Variants in FSTL5 observed in about 807,000 individuals in gnomAD.
FSTL5 encodes the protein follistatin-related protein 5.
In FSTL5, 62 loss-of-function variants were observed where a neutral mutation model predicts 89.1. That is an observed-to-expected ratio of 0.70 (90% CI 0.57 to 0.86). The LOEUF is 0.86. Among genes scored for constraint, FSTL5 ranks in the 40% least tolerant of loss-of-function variants. The pLI is 0.00. For synonymous variants in FSTL5, 383 were observed against 346.2 expected, an observed-to-expected ratio of 1.11 and a Z score of -1.18; for missense variants, 1,057 against 1,001.6, an observed-to-expected ratio of 1.06 and a Z score of -0.75.
intron 6 of FSTL5, among the ~76,000 whole-genome samples, chr4:161,752,275 G>GATA (rs1560825629): frequency 1.7e-4 from 24 of 137,376 alleles, no homozygotes; most frequent in Admixed American, 5.1e-4. Context: ...ATAGATAGAT[G>GATA]GAATGTTTCC....
At chr4:161,652,138 T>A (rs1427623834) in intron 7 of FSTL5, among the ~76,000 whole-genome samples, 1 of 152,058 alleles carries the variant, frequency 6.6e-6, no homozygotes, top group Admixed American at 6.6e-5. Flanking sequence ...AAGTATCTCT[T>A]TTATCATCAA....
intron 6 of FSTL5, among the ~76,000 whole-genome samples, chr4:161,726,058 A>C (rs374281576): frequency 1.3e-5 from 2 of 152,130 alleles, no homozygotes; most frequent in South Asian, 4.1e-4. Flanking sequence ...GCTGGTGAGG[A>C]GCAGAATTAA....
In FSTL5 at chr4:161,385,970, C is replaced by T. The variant is rs1190871548; in HGVS notation, c.2321G>A (p.Gly774Glu). ...TDVLFVELSS[G>E]KVKMIKSLKE... Reference sequence around the variant, plus strand: ...GAGACTCTTTATCATCTTGACCTTCCCAGAAGAGAGCTCCACAAAGAGCAC... The same window carrying T: ...GAGACTCTTTATCATCTTGACCTTCTCAGAAGAGAGCTCCACAAAGAGCAC... Residue 774 changes from glycine to glutamate, a missense_variant, in exon 16 of 16, where the codon GGG becomes GAG. By Grantham distance (98) the Gly-to-Glu change is moderately conservative. Around this residue, in one of 3 missense-constraint regions of FSTL5, gnomAD observed 9 missense variants for 25.0 expected, o/e 0.36. Transcript: ENST00000306100. The T allele has an allele frequency of 6.2e-7, 1 of 1,613,752 alleles. No homozygotes were observed. Among genetic ancestry groups the T allele is most frequent in the African/African-American group, 1.3e-5 (1 of 74,846 alleles).
At chr4:161,827,511 C>T (rs944417190) in intron 4 of FSTL5, among the ~76,000 whole-genome samples, 1 of 152,180 alleles carries the variant, frequency 6.6e-6, no homozygotes, top group Admixed American at 6.5e-5. Context: ...GGGCTTAGAG[C>T]TCCCAAGAGA....
chr4:161,654,661 A>G lies in FSTL5; in HGVS notation c.894+1667T>C, dbSNP rs183520779. Reference sequence around the variant, plus strand: ...CAAAAACATTAGGAAAATGTAACCAATAGGAGTTTGGGCTTGCATCTCAGG... The same window carrying G: ...CAAAAACATTAGGAAAATGTAACCAGTAGGAGTTTGGGCTTGCATCTCAGG... On this transcript the variant is annotated intron_variant, in intron 7 of 15. Transcript: ENST00000306100. Among the ~76,000 whole-genome samples, 202 of 152,232 alleles carry G rather than the reference A, an allele frequency of 1.3e-3. 1 individual carries two copies. The highest frequency in any genetic ancestry group is 4.7e-3 in the African/African-American group (194 of 41,572).
chr4:162,129,226 C>G (rs182807497), intron 1 of FSTL5, among the ~76,000 whole-genome samples: 2 of 152,174 alleles, frequency 1.3e-5, no homozygotes, highest in Non-Finnish European at 2.9e-5. Context: ...AACGACGGCG[C>G]CTGGCCGAGA....
chr4:162,056,296 A>AT, intron 2 of FSTL5, among the ~76,000 whole-genome samples: 1 of 152,168 alleles, frequency 6.6e-6, no homozygotes, highest in Admixed American at 6.5e-5. Context: ...AATGCTGATG[A>AT]TTTTCATCAG....
chr4:161,736,315 TCTTG>T (rs67054234), intron 6 of FSTL5, among the ~76,000 whole-genome samples: 81,275 of 151,454 alleles, frequency 0.54, 25,780 homozygotes, highest in Non-Finnish European at 0.71. Flanking sequence ...TATTAAGTCT[TCTTG>T]CTTAAGAAAA....
chr4:161,773,737 G>A (rs183380327), intron 5 of FSTL5, among the ~76,000 whole-genome samples: 1 of 152,260 alleles, frequency 6.6e-6, no homozygotes, highest in East Asian at 1.9e-4. Context: ...TACACCGCTG[G>A]TGGGAAACGT....
At position 161,416,032 on chromosome 4, in the gene FSTL5, A is replaced by G. The variant is rs192705000; in HGVS notation, c.1842-29583T>C. On this transcript the variant is annotated intron_variant, in intron 15 of 15. Coordinates refer to ENST00000306100, the MANE Select transcript of FSTL5 (RefSeq NM_020116.5). ...AAGACAATGTTTACTCTAATTCCAC[A>G]TCTTTATTCGTTGATGAGCTTTTTG... is the stretch of plus-strand genomic sequence containing the variant. Among the ~76,000 whole-genome samples, 625 of 152,118 alleles carry G rather than the reference A, an allele frequency of 4.1e-3. 7 individuals carry two copies. Among genetic ancestry groups the G allele is most frequent in the South Asian group, 8.7e-3 (42 of 4,820 alleles).
Position 161,455,000 on chromosome 4 carries a change from T to C in FSTL5, c.1841+4A>G. 1 of 1,612,964 alleles carries C rather than the reference T, an allele frequency of 6.2e-7. No homozygotes were observed. The highest frequency in any genetic ancestry group is 8.5e-7 in the Non-Finnish European group (1 of 1,179,344). Reference sequence around the variant, plus strand: ...AAAAGTTGATCACTCAACTTAGCACTTACCTCATATGGGTGATAATGAGTG... The same window carrying C: ...AAAAGTTGATCACTCAACTTAGCACCTACCTCATATGGGTGATAATGAGTG... On this transcript the variant is annotated splice_donor_region_variant and intron_variant, in intron 15 of 15. Transcript: ENST00000306100.
intron 6 of FSTL5, among the ~76,000 whole-genome samples, chr4:161,749,464 A>G (rs373814776): frequency 2.0e-5 from 3 of 152,228 alleles, no homozygotes; most frequent in East Asian, 3.9e-4. Flanking sequence ...GTTCTCATTT[A>G]TAAGTGAGAG....
chr4:162,118,302 C>T (rs973024429), intron 1 of FSTL5, among the ~76,000 whole-genome samples: 2 of 152,144 alleles, frequency 1.3e-5, no homozygotes, highest in Non-Finnish European at 2.9e-5. Context: ...GCTCTGTCGC[C>T]CAGGCTGGAG....
At chr4:161,615,292 T>A (rs71610972) in intron 7 of FSTL5, among the ~76,000 whole-genome samples, 145 of 11,404 alleles carry the variant, frequency 0.013, 1 homozygote, top group Middle Eastern at 0.1. Flanking sequence ...AGACTCTGTC[T>A]CAAAAAAAAA....
chr4:161,692,816 C>G (rs1236956688), intron 6 of FSTL5, among the ~76,000 whole-genome samples: 4 of 152,054 alleles, frequency 2.6e-5, no homozygotes, highest in Non-Finnish European at 1.5e-5. Context: ...CTCCAACTCC[C>G]TAGTTCAAGT....
chr4:161,511,254 T>G (rs909241249), intron 10 of FSTL5, among the ~76,000 whole-genome samples: 1 of 152,152 alleles, frequency 6.6e-6, no homozygotes, highest in Admixed American at 6.5e-5. Flanking sequence ...TTAATGACTT[T>G]TTTTTCCAAC....
chr4:161,496,803 T>C (rs1160823438), intron 12 of FSTL5, among the ~76,000 whole-genome samples: 2 of 150,880 alleles, frequency 1.3e-5, no homozygotes, highest in East Asian at 2.0e-4. Context: ...GAGATAGAGA[T>C]AGAGATAGAG....
intron 2 of FSTL5, among the ~76,000 whole-genome samples, chr4:162,093,054 G>A (rs1472476695): frequency 6.6e-6 from 1 of 151,102 alleles, no homozygotes; most frequent in Non-Finnish European, 1.5e-5. Context: ...TAAACTCCTA[G>A]ATTCAGTGAG....
intron 4 of FSTL5, among the ~76,000 whole-genome samples, chr4:161,853,780 G>T (rs1271103004): frequency 6.6e-6 from 1 of 152,102 alleles, no homozygotes; most frequent in East Asian, 1.9e-4. Flanking sequence ...GATTTCAGAT[G>T]TCCTTATTCA....
Sources: gnomAD v4.1 joint callset for allele counts (sites outside exome capture counted in the v4.1 genomes callset) on GRCh38, gnomAD v4.1.1 for gene constraint, gnomAD v4.1.1 regional missense constraint, MANE v1.5 for transcripts, NCBI Gene and HGNC (gene_info 2026-07-23, HGNC 2026-07-21) for gene names.